LIM2: variants seen among roughly 807,000 people sequenced by gnomAD.
The protein encoded by LIM2 is lens intrinsic membrane protein 2, also known as lens fiber membrane intrinsic protein.
Under a neutral mutation model 19.0 loss-of-function variants are expected in LIM2, and 14 were observed. That is an observed-to-expected ratio of 0.74 (90% confidence interval 0.49 to 1.15). The LOEUF (loss-of-function observed/expected upper bound fraction) is 1.15, where lower values mean the gene tolerates loss of function less well. Ranked by LOEUF, LIM2 falls within the 50% of genes most tolerant of loss-of-function variation. The pLI is 0.00. For synonymous variants in LIM2, 78 were observed against 89.6 expected, an observed-to-expected ratio of 0.87 and a Z score of 0.73; for missense variants, 230 against 243.5, an observed-to-expected ratio of 0.94 and a Z score of 0.37.
chr19:51,387,868 C>T (rs987221978), intron 1 of LIM2, 51 bp downstream of exon 1: 5 of 223,706 alleles, frequency 2.2e-5, no homozygotes, highest in African/African-American at 1.2e-4. Context: ...GGACCCTAGA[C>T]TCCTGGGACT....
At position 51,382,425 on chromosome 19, in the gene LIM2, A is replaced by G. The variant is rs774506109; in HGVS notation, c.318T>C (p.Phe106=). 13 of 1,613,898 alleles carry G rather than the reference A, an allele frequency of 8.1e-6. No homozygotes were observed. The highest frequency in any genetic ancestry group is 1.1e-5 in the Non-Finnish European group (13 of 1,179,992). Residue 106 remains phenylalanine (F), a synonymous_variant, in exon 3 of 5, where the codon TTT becomes TTC. Coordinates refer to ENST00000596399, the MANE Select transcript of LIM2 (RefSeq NM_001161748.2). ...SRPFSAGIMF[F]SSTLFVVLAL... is the part of the protein sequence containing the mutation. ...GAGGGTGGGCTTACTCACTTGAGGA[A>G]AAAAACATGATGCCAGCAGAGAAGG...
chr19:51,382,527 G>A lies in LIM2; in HGVS notation c.216C>T (p.Ala72=). 1 of 1,613,882 alleles carries A rather than the reference G, an allele frequency of 6.2e-7. No individual in the cohort carries two copies. The highest frequency in any genetic ancestry group is 8.5e-7 in the Non-Finnish European group (1 of 1,179,900). Residue 72 remains alanine, a synonymous_variant, in exon 3 of 5, where the codon GCC becomes GCT. Coordinates refer to ENST00000596399, the MANE Select transcript of LIM2 (RefSeq NM_001161748.2). ...NATRAFMILS[A]LCAISGIIMG... ...TGATGATGCCGGAGATGGCGCATAGGGCAGACAGGATCATGAAGGCCCGGG... is the reference window on the plus strand; with the variant it reads ...TGATGATGCCGGAGATGGCGCATAGAGCAGACAGGATCATGAAGGCCCGGG...
At chr19:51,385,250 G>C (rs185374967) in intron 2 of LIM2, among the ~76,000 whole-genome samples, 408 of 151,888 alleles carry the variant, frequency 2.7e-3, no homozygotes, top group Non-Finnish European at 4.8e-3. Context: ...GGCCAAGTTC[G>C]GTGGCTCATG....
chr19:51,380,417 A>G, intron 4 of LIM2, 88 bp downstream of exon 4: 1 of 1,596,262 alleles, frequency 6.3e-7, no homozygotes, highest in Non-Finnish European at 8.6e-7. Flanking sequence ...GTGCTGTGGG[A>G]CTCATGTGGG....
In LIM2 at chr19:51,380,025, C is replaced by G. The variant is rs894976974; in HGVS notation, c.*176G>C. 1.3e-4 allele frequency: 83 copies of G among 657,658 alleles called. No individual in the cohort carries two copies. In the African/African-American group the frequency reaches 1.4e-3, roughly 11 times the overall value. 40.7% of individuals were successfully genotyped at this position (657,658 alleles called of 1,614,324 possible). A position where few individuals can be genotyped will look rare whatever the true frequency, so the allele number is the denominator to read the frequency against. On this transcript the variant is annotated 3_prime_UTR_variant, in exon 5 of 5. Coordinates refer to ENST00000596399, the MANE Select transcript of LIM2 (RefSeq NM_001161748.2). ...TCTTCTCAGCTCCCTCCCATGGGCC[C>G]TATTCTTCCTCCTTCCAGCCTAGGA... is the stretch of plus-strand genomic sequence containing the variant.
intron 4 of LIM2, 89 bp downstream of exon 4, chr19:51,380,416 G>T: frequency 7.5e-6 from 12 of 1,596,308 alleles, no homozygotes; most frequent in Non-Finnish European, 9.5e-6. Flanking sequence ...AGTGCTGTGG[G>T]ACTCATGTGG....
At position 51,387,922 on chromosome 19, in the gene LIM2, A is replaced by T. The variant is rs547459009; in HGVS notation, c.-10T>A. 5.1e-6 allele frequency: 1 copy of T among 196,448 alleles called. No individual in the cohort carries two copies. The highest frequency in any genetic ancestry group is 2.4e-5 in the African/African-American group (1 of 42,494). 12.2% of individuals were successfully genotyped at this position (196,448 alleles called of 1,614,324 possible). On this transcript the variant is annotated 5_prime_UTR_variant, in exon 1 of 5. Transcript: ENST00000596399. The stretch of plus-strand genomic sequence containing the variant: ...AGGTCTCACGCCTGGTGCCTACCTG[A>T]GTGGCAGAGCCTGCCCGAGCCCTCC...
At chr19:51,387,744 C>T (rs144513202) in intron 1 of LIM2, among the ~76,000 whole-genome samples, 175 bp downstream of exon 1, 1 of 152,082 alleles carries the variant, frequency 6.6e-6, no homozygotes, top group Non-Finnish European at 1.5e-5. Context: ...GGAGGCCTAG[C>T]TTCCTGAGTC....
Position 51,387,257 on chromosome 19 carries a change from C to T in LIM2, c.175+12G>A, listed in dbSNP as rs770626014. On this transcript the variant is annotated intron_variant, in intron 2 of 4. Transcript: ENST00000596399. ...CCCCAGGCGCGGCCTGGACCCTGGC[C>T]GGGGGGCTCACCGATGCTGTCTGTC... is the stretch of plus-strand genomic sequence containing the variant. 12 of 1,614,016 alleles carry T rather than the reference C, an allele frequency of 7.4e-6. No individual in the cohort carries two copies. In the African/African-American group the frequency reaches 1.2e-4, roughly 16 times the overall value.
In LIM2 at chr19:51,382,538, T is replaced by A; in HGVS notation, c.205A>T (p.Ile69Phe). The part of the protein sequence containing the change: ...AYWNATRAFM[I>F]LSALCAISGI... ...GAGATGGCGCATAGGGCAGACAGGATCATGAAGGCCCGGGTGGCATTCCAG... is the reference window on the plus strand; with the variant it reads ...GAGATGGCGCATAGGGCAGACAGGAACATGAAGGCCCGGGTGGCATTCCAG... The change falls in exon 3 of 5, where the codon ATC becomes TTC. Residue 69 changes from isoleucine to phenylalanine, a missense_variant. By Grantham distance (21) the Ile-to-Phe change is conservative. Transcript: ENST00000596399. The A allele has an allele frequency of 6.2e-7, 1 of 1,613,736 alleles. No homozygotes were observed. The highest frequency in any genetic ancestry group is 1.7e-5 in the Admixed American group (1 of 59,990).
intron 2 of LIM2, among the ~76,000 whole-genome samples, chr19:51,385,555 G>A (rs773223183): frequency 1.2e-4 from 18 of 151,854 alleles, no homozygotes; most frequent in Non-Finnish European, 2.4e-4. Context: ...ACAAACAAAC[G>A]AAAAAACGAA....
At position 51,382,430 on chromosome 19, in the gene LIM2, A is replaced by C. The variant is rs121913555; in HGVS notation, c.313T>G (p.Phe105Val). 4 of 1,613,826 alleles carry C rather than the reference A, an allele frequency of 2.5e-6. No homozygotes were observed. In the Middle Eastern group the frequency reaches 4.9e-4, roughly 199 times the overall value. Residue 105 changes from phenylalanine to valine, a missense_variant, in exon 3 of 5, where the codon TTT becomes GTT. Coordinates refer to ENST00000596399, the MANE Select transcript of LIM2 (RefSeq NM_001161748.2). ...TGGGCTTACTCACTTGAGGAAAAAA[A>C]CATGATGCCAGCAGAGAAGGGCCGG... ...ISRPFSAGIM[F>V]FSSTLFVVLA...
intron 3 of LIM2, among the ~76,000 whole-genome samples, chr19:51,381,153 A>G (rs1251150164): frequency 6.6e-6 from 1 of 152,034 alleles, no homozygotes; most frequent in Non-Finnish European, 1.5e-5. Flanking sequence ...TCTACTAAAA[A>G]TACAATAAAA....
chr19:51,383,980 A>G (rs1187931502), intron 2 of LIM2, among the ~76,000 whole-genome samples: 1 of 152,198 alleles, frequency 6.6e-6, no homozygotes, highest in Non-Finnish European at 1.5e-5. Context: ...CTGTTTCTCC[A>G]TGGATTTTAT....
Position 51,387,429 on chromosome 19 carries a change from C to T in LIM2, c.15G>A (p.Met5Ile). 1 of 1,613,992 alleles carries T rather than the reference C, an allele frequency of 6.2e-7. No homozygotes were observed. Among genetic ancestry groups the T allele is most frequent in the Non-Finnish European group, 8.5e-7 (1 of 1,180,026 alleles). The change falls in exon 2 of 5, where the codon ATG becomes ATA. Residue 5 changes from methionine (M) to isoleucine (I), a missense_variant. Transcript: ENST00000596399. Reference sequence around the variant, plus strand: ...CCCAGGCACAGAACAGGCCACCACCCATGAAGCTGTACATGGTGATCTGTG... The same window carrying T: ...CCCAGGCACAGAACAGGCCACCACCTATGAAGCTGTACATGGTGATCTGTG... MYSF[M>I]GGGLFCAWVG...
At chr19:51,386,803 A>G (rs1412014728) in intron 2 of LIM2, among the ~76,000 whole-genome samples, 1 of 151,620 alleles carries the variant, frequency 6.6e-6, no homozygotes, top group Non-Finnish European at 1.5e-5. Context: ...ACATTAACTT[A>G]ATATATTATA....
Position 51,381,042 on chromosome 19 carries a change from G to A in LIM2, c.326-403C>T, listed in dbSNP as rs576312522. 2.3e-4 allele frequency among the ~76,000 whole-genome samples: 35 copies of A among 152,288 alleles called. No individual in the cohort carries two copies. The East Asian group carries it at 6.0e-3, about 26-fold the overall frequency. ...AAAAACCAACCAGGTCAGGCACAGTGACTCATGCGTGTCATCCCAACACTT... is the reference window on the plus strand; with the variant it reads ...AAAAACCAACCAGGTCAGGCACAGTAACTCATGCGTGTCATCCCAACACTT... On this transcript the variant is annotated intron_variant, in intron 3 of 4. Transcript: ENST00000596399.
intron 2 of LIM2, among the ~76,000 whole-genome samples, chr19:51,386,598 T>C (rs1467502110): frequency 6.7e-6 from 1 of 148,540 alleles, no homozygotes; most frequent in Admixed American, 6.8e-5. Context: ...TCATATATAA[T>C]ATATTACATG....
At position 51,380,515 on chromosome 19, in the gene LIM2, C is replaced by A; in HGVS notation, c.450G>T (p.Thr150=). ...YILGWVAVLM[T]FFAGIFYMCA... is the part of the protein sequence containing the mutation. ...CCTTGCCCCCAGTACCTGCGAAGAA[C>A]GTCATGAGCACTGCCACCCAGCCCA... Residue 150 remains threonine, a synonymous_variant, in exon 4 of 5, where the codon ACG becomes ACT. Transcript: ENST00000596399. 6.2e-7 allele frequency: 1 copy of A among 1,614,208 alleles called. No homozygotes were observed. The highest frequency in any genetic ancestry group is 8.5e-7 in the Non-Finnish European group (1 of 1,180,044).
Sources: gnomAD v4.1 joint callset for allele counts (sites outside exome capture counted in the v4.1 genomes callset) on GRCh38, gnomAD v4.1.1 for gene constraint, MANE v1.5 for transcripts, NCBI Gene and HGNC (gene_info 2026-07-23, HGNC 2026-07-21) for gene names.